Variants in NVL observed in about 807,000 individuals in gnomAD.
NVL encodes nuclear valosin-containing protein-like.
In NVL, 84 loss-of-function variants were observed where a neutral mutation model predicts 110.2. The ratio of observed to expected loss-of-function variants is 0.76; its 90% confidence interval spans 0.64 to 0.91. The LOEUF (loss-of-function observed/expected upper bound fraction) is 0.91, where lower values mean the gene tolerates loss of function less well. Ranked by LOEUF, NVL falls within the 40% of genes least tolerant of loss-of-function variation. The pLI, the probability that NVL is intolerant of heterozygous loss-of-function variation, is 0.00. For missense variants in NVL, 882 were observed against 1,035.9 expected, an observed-to-expected ratio of 0.85 and a Z score of 2.04; for synonymous variants, 354 against 361.1, an observed-to-expected ratio of 0.98 and a Z score of 0.22.
rs368154573 is a variant in NVL at position 224,329,390 on chromosome 1, C to G, written c.57+681G>C. Among the ~76,000 whole-genome samples the G allele has an allele frequency of 3.3e-5, 5 of 152,020 alleles. No individual in the cohort carries two copies. The South Asian group carries it at 1.0e-3, about 32-fold the overall frequency. ...AGAGAACAGTGGCACAGAGCACTTCCAACATTTACAAGTTGGTAGGAAAAG... is the reference window on the plus strand; with the variant it reads ...AGAGAACAGTGGCACAGAGCACTTCGAACATTTACAAGTTGGTAGGAAAAG... On this transcript the variant is annotated intron_variant, in intron 1 of 22. Coordinates refer to ENST00000281701, the MANE Select transcript of NVL (RefSeq NM_002533.4).
intron 12 of NVL, among the ~76,000 whole-genome samples, chr1:224,293,138 C>T (rs1045167300): frequency 1.3e-5 from 2 of 150,812 alleles, no homozygotes; most frequent in African/African-American, 2.4e-5. Context: ...GGCGCCATCT[C>T]GGCTCACTGC....
chr1:224,241,700 A>G (rs959106452), intron 19 of NVL, among the ~76,000 whole-genome samples: 3 of 152,002 alleles, frequency 2.0e-5, no homozygotes, highest in African/African-American at 7.3e-5. Context: ...TACTAAAAAT[A>G]CAAAACTTAG....
intron 22 of NVL, 30 bp downstream of exon 22, chr1:224,231,196 T>C: frequency 6.6e-7 from 1 of 1,507,692 alleles, no homozygotes; most frequent in Non-Finnish European, 9.2e-7. Flanking sequence ...TCTAGTTTCC[T>C]TTCTCTATGC....
intron 18 of NVL, 33 bp from the exon 19 acceptor site, chr1:224,250,351 A>G (rs760782949): frequency 1.3e-6 from 2 of 1,503,810 alleles, no homozygotes; most frequent in Non-Finnish European, 1.8e-6. Context: ...AGTCTTAAAT[A>G]AAACCTTTTA....
intron 5 of NVL, among the ~76,000 whole-genome samples, chr1:224,308,894 T>G (rs1669221869): frequency 1.3e-5 from 2 of 151,526 alleles, no homozygotes; most frequent in South Asian, 4.2e-4. Flanking sequence ...ACCCTGTCTC[T>G]ACTAAAAATA....
In NVL at chr1:224,318,035, T is replaced by A. The variant is rs898724886; in HGVS notation, c.132-105A>T. 4.7e-5 allele frequency: 35 copies of A among 739,240 alleles called. No homozygotes were observed. The African/African-American group carries it at 6.0e-4, about 13-fold the overall frequency. The allele number at this position is 739,240 out of a possible 1,614,324, so 45.8% of individuals were successfully genotyped here. On this transcript the variant is annotated intron_variant, in intron 2 of 22. Transcript: ENST00000281701. ...TAAATTTTCATGAATATTTCATTGT[T>A]ACAGTATAGACACTTGCCATAACCC...
intron 6 of NVL, 191 bp from the exon 7 acceptor site, chr1:224,305,357 C>T: frequency 1.8e-6 from 1 of 566,926 alleles, no homozygotes. Flanking sequence ...TCCCTTAAAG[C>T]TCAGTTTAAA....
intron 22 of NVL, among the ~76,000 whole-genome samples, chr1:224,229,636 G>A (rs1215690677): frequency 6.6e-6 from 1 of 151,604 alleles, no homozygotes; most frequent in Non-Finnish European, 1.5e-5. Flanking sequence ...TTTTAGTAGA[G>A]ATGAGATTTC....
intron 4 of NVL, among the ~76,000 whole-genome samples, chr1:224,316,472 G>T (rs561810705): frequency 7.4e-4 from 113 of 152,126 alleles, no homozygotes; most frequent in Middle Eastern, 3.4e-3. Flanking sequence ...GACTGCTTGA[G>T]CCCAGGAGTT....
rs1469262902 is a variant in NVL, at chr1:224,330,110, T to C, written c.18A>G (p.Ala6=). The C allele has an allele frequency of 3.1e-6, 5 of 1,614,062 alleles. No individual in the cohort carries two copies. In the Middle Eastern group the frequency reaches 4.9e-4, roughly 160 times the overall value. The change falls in exon 1 of 23, where the codon GCA becomes GCG. Residue 6 remains alanine (A), a synonymous_variant. Transcript: ENST00000281701. MKPRP[A]GFVDNKLKQR... is the part of the protein sequence containing the mutation. ...GCTTGAGTTTATTATCCACGAACCC[T>C]GCAGGTCTGGGCTTCATCGCGTCGG...
intron 13 of NVL, 144 bp downstream of exon 13, chr1:224,289,340 G>T (rs909231576): frequency 7.9e-6 from 5 of 636,642 alleles, no homozygotes; most frequent in Non-Finnish European, 1.2e-5. Context: ...GATAAACATC[G>T]TGGGTATAAA....
At chr1:224,246,093 G>A (rs1051622672) in intron 19 of NVL, among the ~76,000 whole-genome samples, 14 of 151,918 alleles carry the variant, frequency 9.2e-5, no homozygotes, top group African/African-American at 2.4e-4. Flanking sequence ...GCAATAGCAC[G>A]ATCTCGGCTC....
intron 17 of NVL, 107 bp from the exon 18 acceptor site, chr1:224,268,240 G>T (rs555503158): frequency 1.5e-5 from 12 of 806,120 alleles, no homozygotes; most frequent in Non-Finnish European, 2.4e-5. Flanking sequence ...AGATAACAAT[G>T]ATAATTTTCT....
intron 20 of NVL, among the ~76,000 whole-genome samples, chr1:224,235,189 A>T (rs1660324828): frequency 6.6e-6 from 1 of 151,900 alleles, no homozygotes; most frequent in African/African-American, 2.4e-5. Flanking sequence ...ATTTTTTGAG[A>T]TGGAGTGTCG....
At chr1:224,307,888 C>G (rs534175836) in intron 6 of NVL, 103 bp downstream of exon 6, 13 of 1,098,530 alleles carry the variant, frequency 1.2e-5, no homozygotes, top group Admixed American at 5.6e-5. Context: ...TTTAAAGTTC[C>G]TATGCCTTCC....
At chr1:224,288,406 T>C (rs1457249483) in intron 13 of NVL, among the ~76,000 whole-genome samples, 2 of 152,112 alleles carry the variant, frequency 1.3e-5, no homozygotes, top group Admixed American at 6.6e-5. Context: ...TCCTTGATGG[T>C]TTATCAACTA....
rs146245263 is a variant in NVL at position 224,319,938 on chromosome 1, C to T, written c.132-2008G>A. On this transcript the variant is annotated intron_variant, in intron 2 of 22. Transcript: ENST00000281701. ...CCAAAAACATATAACCTGATTCCAA[C>T]CATGTGAAAACAGCAGAAAAATCCA... Among the ~76,000 whole-genome samples, 5 of 151,992 alleles carry T rather than the reference C, an allele frequency of 3.3e-5. No homozygotes were observed. The East Asian group carries it at 9.7e-4, about 29-fold the overall frequency.
chr1:224,315,912 AG>A (rs1670013215), intron 4 of NVL, among the ~76,000 whole-genome samples: 2 of 152,216 alleles, frequency 1.3e-5, no homozygotes, highest in Admixed American at 1.3e-4. Context: ...ATAAACAGAT[AG>A]GTCAGGCAAG....
At chr1:224,284,694 A>G (rs1347245964) in intron 15 of NVL, among the ~76,000 whole-genome samples, 1 of 152,086 alleles carries the variant, frequency 6.6e-6, no homozygotes, top group Non-Finnish European at 1.5e-5. Context: ...AAACACTAGT[A>G]ATTTTTAAAA....
Sources: gnomAD v4.1 joint callset for allele counts (sites outside exome capture counted in the v4.1 genomes callset) on GRCh38, gnomAD v4.1.1 for gene constraint, MANE v1.5 for transcripts, NCBI Gene and HGNC (gene_info 2026-07-23, HGNC 2026-07-21) for gene names.